The following CRACD variants were observed in gnomAD, a reference collection of about 807,000 sequenced individuals.
The protein encoded by CRACD is capping protein-inhibiting regulator of actin dynamics.
A neutral mutation model predicts 106.8 loss-of-function variants in CRACD; 56 were observed. That is an observed-to-expected ratio of 0.52 (90% CI 0.42 to 0.66). The LOEUF (loss-of-function observed/expected upper bound fraction) is 0.66. CRACD is among the 30% of genes least tolerant of loss of function. CRACD has a pLI of 0.00. For missense variants in CRACD, 1,730 were observed against 1,623.2 expected (o/e 1.07, Z -1.13); for synonymous variants, 754 against 670.8 (o/e 1.12, Z -1.92).
chr4:56,306,466 T>C (rs1489957667), intron 4 of CRACD, among the ~76,000 whole-genome samples: 1 of 151,952 alleles, frequency 6.6e-6, no homozygotes, highest in Non-Finnish European at 1.5e-5. Context: ...TGAGCCAAAA[T>C]TGGGCCACTG....
chr4:56,279,237 A>G (rs1281755549), intron 3 of CRACD, among the ~76,000 whole-genome samples: 2 of 152,196 alleles, frequency 1.3e-5, no homozygotes, highest in Non-Finnish European at 1.5e-5. Context: ...AAATGCAGAA[A>G]TCATTCATCT....
At chr4:56,203,926 C>G (rs1738002550) in intron 2 of CRACD, among the ~76,000 whole-genome samples, 1 of 152,188 alleles carries the variant, frequency 6.6e-6, no homozygotes, top group Non-Finnish European at 1.5e-5. Flanking sequence ...ATCCCTGGGA[C>G]AAAACTGCTG....
intron 1 of CRACD, among the ~76,000 whole-genome samples, chr4:56,148,272 G>GT (rs55909172): frequency 5.4e-5 from 8 of 149,484 alleles, no homozygotes; most frequent in Non-Finnish European, 1.0e-4. Context: ...TGCTTTTGTT[G>GT]TTTTTTTTTT....
chr4:56,241,478 G>T (rs376029319), intron 2 of CRACD, among the ~76,000 whole-genome samples: 1 of 151,496 alleles, frequency 6.6e-6, no homozygotes, highest in African/African-American at 2.4e-5. Flanking sequence ...CTCTAATTTC[G>T]TCAAGGGACT....
At chr4:56,307,854 A>T (rs1744844566) in intron 5 of CRACD, among the ~76,000 whole-genome samples, 155 bp downstream of exon 5, 1 of 152,172 alleles carries the variant, frequency 6.6e-6, no homozygotes, top group Admixed American at 6.5e-5. Flanking sequence ...AGGTGTCCTG[A>T]CCTGTAGCCA....
chr4:56,087,469 G>C (rs920370880), intron 1 of CRACD, among the ~76,000 whole-genome samples: 7 of 152,102 alleles, frequency 4.6e-5, no homozygotes, highest in East Asian at 3.9e-4. Flanking sequence ...GCTTCTGTCT[G>C]CTCCTTCTTG....
intron 2 of CRACD, among the ~76,000 whole-genome samples, chr4:56,260,488 G>A (rs981613383): frequency 2.0e-5 from 3 of 152,188 alleles, no homozygotes; most frequent in Non-Finnish European, 2.9e-5. Flanking sequence ...GGTGGAGTGT[G>A]ATGATCTTTT....
At position 56,316,433 on chromosome 4, in the gene CRACD, T is replaced by C. The variant is rs760167347; in HGVS notation, c.2931T>C (p.Leu977=). The part of the protein sequence containing the change: ...PTSQTPPASP[L]SKLSRPYLVE... ...GTCAGACCCCACCAGCATCCCCACT[T>C]TCCAAACTGAGCAGGCCCTACTTGG... Residue 977 remains leucine (L), a synonymous_variant, in exon 8 of 11, where the codon CTT becomes CTC. Coordinates refer to ENST00000682029, the MANE Select transcript of CRACD (RefSeq NM_001393381.1). 161 of 1,613,948 alleles carry C rather than the reference T, an allele frequency of 1.0e-4. 1 individual carries two copies. The East Asian group carries it at 3.1e-3, about 31-fold the overall frequency.
At chr4:56,287,878 A>C (rs1380588144) in intron 3 of CRACD, among the ~76,000 whole-genome samples, 2 of 152,198 alleles carry the variant, frequency 1.3e-5, no homozygotes, top group Non-Finnish European at 2.9e-5. Context: ...AAGGGCTTAA[A>C]TGTTTTAAGA....
rs973403019 is a variant in CRACD, at chr4:56,310,605, G to A, written c.286-61G>A. On this transcript the variant is annotated intron_variant, in intron 5 of 10. Coordinates refer to ENST00000682029, the MANE Select transcript of CRACD (RefSeq NM_001393381.1). ...CCCTACCCAGGCACAGACAGTGTCT[G>A]GTTATTTGCCCAGAACTTCCTGTTC... is the stretch of plus-strand genomic sequence containing the variant. 5.0e-6 allele frequency: 6 copies of A among 1,208,872 alleles called. No individual in the cohort carries two copies. The Admixed American group carries it at 5.1e-5, about 10-fold the overall frequency. The allele number at this position is 1,208,872 out of a possible 1,614,324, so 74.9% of individuals were successfully genotyped here.
At chr4:56,310,790 C>A in intron 6 of CRACD, 56 bp downstream of exon 6, 1 of 831,280 alleles carries the variant, frequency 1.2e-6, no homozygotes, top group Non-Finnish European at 1.8e-6. Flanking sequence ...CTTTCATCTT[C>A]CCCCCCCCTT....
chr4:56,139,269 T>C (rs1458625420), intron 1 of CRACD, among the ~76,000 whole-genome samples: 1 of 152,180 alleles, frequency 6.6e-6, no homozygotes, highest in African/African-American at 2.4e-5. Context: ...AAACCTTGGT[T>C]TACCTCTTTC....
intron 4 of CRACD, among the ~76,000 whole-genome samples, chr4:56,299,934 C>T (rs1237041969): frequency 3.3e-5 from 5 of 151,458 alleles, no homozygotes; most frequent in African/African-American, 7.3e-5. Flanking sequence ...AGCAGGAGAT[C>T]GAGACCATCC....
intron 2 of CRACD, among the ~76,000 whole-genome samples, chr4:56,189,004 T>C (rs899008968): frequency 1.3e-5 from 2 of 152,014 alleles, no homozygotes; most frequent in African/African-American, 4.8e-5. Flanking sequence ...GCCAACAAGG[T>C]GAAACCCCAT....
intron 1 of CRACD, among the ~76,000 whole-genome samples, chr4:56,111,798 G>A (rs1215891100): frequency 1.3e-5 from 2 of 152,142 alleles, no homozygotes; most frequent in Admixed American, 1.3e-4. Context: ...GATTACAGGC[G>A]TGAGCCAACG....
At chr4:56,068,607 A>G (rs1283067255) in intron 1 of CRACD, among the ~76,000 whole-genome samples, 1 of 152,174 alleles carries the variant, frequency 6.6e-6, no homozygotes, top group African/African-American at 2.4e-5. Flanking sequence ...GATCAGAGCA[A>G]CAGTGATAGA....
chr4:56,240,890 C>G (rs564733500), intron 2 of CRACD, among the ~76,000 whole-genome samples: 2 of 152,310 alleles, frequency 1.3e-5, no homozygotes, highest in African/African-American at 4.8e-5. Flanking sequence ...GTGCTGCACC[C>G]CCAAGAGTTC....
chr4:56,255,167 C>A (rs1741284532), intron 2 of CRACD, among the ~76,000 whole-genome samples: 2 of 148,188 alleles, frequency 1.3e-5, no homozygotes, highest in African/African-American at 2.5e-5. Flanking sequence ...ATTTTGAAAT[C>A]TATAACTAAA....
At chr4:56,104,966 CAAAAAA>C (rs34655977) in intron 1 of CRACD, among the ~76,000 whole-genome samples, 6 of 68,886 alleles carry the variant, frequency 8.7e-5, no homozygotes, top group Admixed American at 1.5e-4. Context: ...GACTCCGTCT[CAAAAAA>C]AAAAAAAAAA....
Sources: gnomAD v4.1 joint callset for allele counts (sites outside exome capture counted in the v4.1 genomes callset) on GRCh38, gnomAD v4.1.1 for gene constraint, MANE v1.5 for transcripts, NCBI Gene and HGNC (gene_info 2026-07-23, HGNC 2026-07-21) for gene names.